CSGALNACT1: variants seen among roughly 807,000 people sequenced by gnomAD.
The protein encoded by CSGALNACT1 is beta4GalNAcT-1.
Under a neutral mutation model 51.0 loss-of-function variants are expected in CSGALNACT1, and 52 were observed. The ratio of observed to expected loss-of-function variants is 1.02; its 90% CI spans 0.82 to 1.29. The LOEUF (loss-of-function observed/expected upper bound fraction) is 1.29. Ranked by LOEUF, CSGALNACT1 falls within the 50% of genes most tolerant of loss-of-function variation. The pLI is 0.00. For synonymous variants in CSGALNACT1, 341 were observed against 254.4 expected (o/e 1.34, Z -3.24); for missense variants, 935 against 679.2 (o/e 1.38, Z -4.19).
intron 1 of CSGALNACT1, among the ~76,000 whole-genome samples, chr8:19,664,394 A>C (rs2059012144): frequency 6.6e-6 from 1 of 152,196 alleles, no homozygotes; most frequent in East Asian, 1.9e-4. Flanking sequence ...GTGGGAATGT[A>C]AATTAGTACA....
intron 6 of CSGALNACT1, among the ~76,000 whole-genome samples, chr8:19,430,197 T>C (rs1286178370): frequency 2.6e-5 from 4 of 152,230 alleles, no homozygotes; most frequent in African/African-American, 9.6e-5. Flanking sequence ...GTTTTTAATT[T>C]TGATAAAGTT....
chr8:19,599,516 G>GAAAGAAAGAAAGAAAGAAAC (rs2049892229), intron 2 of CSGALNACT1, among the ~76,000 whole-genome samples: 4 of 119,280 alleles, frequency 3.4e-5, no homozygotes, highest in African/African-American at 1.2e-4. Context: ...AAGAAAGAAA[G>GAAAGAAAGAAAGAAAGAAAC]AAAGAAAGAA....
intron 5 of CSGALNACT1, among the ~76,000 whole-genome samples, chr8:19,452,630 A>T (rs1238503274): frequency 1.3e-5 from 2 of 152,192 alleles, no homozygotes; most frequent in East Asian, 3.9e-4. Flanking sequence ...AGGCGTGGAA[A>T]GAGCTGCTGA....
At chr8:19,599,008 A>G (rs1285175267) in intron 2 of CSGALNACT1, among the ~76,000 whole-genome samples, 1 of 152,180 alleles carries the variant, frequency 6.6e-6, no homozygotes, top group Non-Finnish European at 1.5e-5. Context: ...TGATGAGAAG[A>G]AAGTATGCTA....
rs551475841 is a variant in CSGALNACT1, at chr8:19,558,301, T to C, written c.-297+32859A>G. Among the ~76,000 whole-genome samples, 30 of 152,346 alleles carry C rather than the reference T, an allele frequency of 2.0e-4. No homozygotes were observed. The South Asian group carries it at 5.6e-3, about 28-fold the overall frequency. ...GGCTCTTTAACATATCCAATGTGATTTGATTGCCAGTATCATGTTTTACAT... is the reference window on the plus strand; with the variant it reads ...GGCTCTTTAACATATCCAATGTGATCTGATTGCCAGTATCATGTTTTACAT... On this transcript the variant is annotated intron_variant, in intron 3 of 9. Coordinates refer to ENST00000454498, the Ensembl canonical transcript of CSGALNACT1.
chr8:19,477,378 C>G (rs551317608), intron 4 of CSGALNACT1, among the ~76,000 whole-genome samples: 37 of 152,300 alleles, frequency 2.4e-4, no homozygotes, highest in African/African-American at 8.4e-4. Flanking sequence ...TCCCACACAA[C>G]TGAGCACGGC....
chr8:19,525,266 G>T (rs1219939960), intron 3 of CSGALNACT1, among the ~76,000 whole-genome samples: 1 of 152,040 alleles, frequency 6.6e-6, no homozygotes, highest in East Asian at 1.9e-4. Flanking sequence ...CTCATTGTGG[G>T]AGGCATCATT....
chr8:19,743,255 T>C (rs541701004), intron 1 of CSGALNACT1, among the ~76,000 whole-genome samples: 1 of 152,210 alleles, frequency 6.6e-6, no homozygotes, highest in African/African-American at 2.4e-5. Flanking sequence ...ATGAAACGTA[T>C]GGAGTGGAAG....
intron 1 of CSGALNACT1, among the ~76,000 whole-genome samples, chr8:19,667,161 C>T (rs1042081853): frequency 1.3e-4 from 19 of 151,532 alleles, no homozygotes; most frequent in Non-Finnish European, 8.8e-5. Context: ...AGGCTCATGC[C>T]TGTAATCCCA....
chr8:19,428,228 G>A (rs1483968663), intron 6 of CSGALNACT1, among the ~76,000 whole-genome samples: 1 of 152,142 alleles, frequency 6.6e-6, no homozygotes, highest in Non-Finnish European at 1.5e-5. Flanking sequence ...GTCTGTATCA[G>A]TCTGTTTTCA....
chr8:19,584,291 T>C (rs887607184), intron 3 of CSGALNACT1, among the ~76,000 whole-genome samples: 8 of 152,332 alleles, frequency 5.3e-5, no homozygotes, highest in South Asian at 4.1e-4. Flanking sequence ...GGCAATGTTA[T>C]TGGTACTCTG....
At chr8:19,407,438 G>A (rs998541994) in intron 9 of CSGALNACT1, among the ~76,000 whole-genome samples, 20 of 152,122 alleles carry the variant, frequency 1.3e-4, no homozygotes, top group Non-Finnish European at 2.5e-4. Context: ...CATCGCAGCT[G>A]AGCCCCTGCA....
chr8:19,621,934 C>CTA (rs2154161420), intron 1 of CSGALNACT1, among the ~76,000 whole-genome samples: 1 of 152,290 alleles, frequency 6.6e-6, no homozygotes, highest in Admixed American at 6.5e-5. Flanking sequence ...ACAACAGATA[C>CTA]TATTAAGTTT....
At chr8:19,411,569 C>T (rs1585387763) in intron 8 of CSGALNACT1, among the ~76,000 whole-genome samples, 1 of 152,188 alleles carries the variant, frequency 6.6e-6, no homozygotes, top group African/African-American at 2.4e-5. Context: ...TGGTGAGAAC[C>T]TCTCAGAATC....
At chr8:19,462,822 T>C (rs1306975387) in intron 4 of CSGALNACT1, among the ~76,000 whole-genome samples, 1 of 152,238 alleles carries the variant, frequency 6.6e-6, no homozygotes, top group Non-Finnish European at 1.5e-5. Flanking sequence ...TCTTTTTTTT[T>C]TCAACTTTTA....
At chr8:19,408,936 G>A (rs974556643) in intron 8 of CSGALNACT1, among the ~76,000 whole-genome samples, 9 of 84,376 alleles carry the variant, frequency 1.1e-4, no homozygotes, top group Non-Finnish European at 2.2e-4. Flanking sequence ...TGTTTCTAGG[G>A]CATAGATATG....
At chr8:19,420,272 C>G in intron 7 of CSGALNACT1, 68 bp downstream of exon 6, 1 of 1,436,974 alleles carries the variant, frequency 7.0e-7, no homozygotes, top group Non-Finnish European at 9.8e-7. Flanking sequence ...ACTGACCCAT[C>G]AAGAGGACGA....
At chr8:19,412,169 G>T (rs988272782) in intron 8 of CSGALNACT1, among the ~76,000 whole-genome samples, 26 of 152,154 alleles carry the variant, frequency 1.7e-4, no homozygotes, top group African/African-American at 6.3e-4. Context: ...TCTGATAGCT[G>T]GCCTCCTCTC....
At chr8:19,705,867 G>C (rs984178556) in intron 1 of CSGALNACT1, among the ~76,000 whole-genome samples, 3 of 152,144 alleles carry the variant, frequency 2.0e-5, no homozygotes, top group Admixed American at 6.5e-5. Flanking sequence ...GAATGTTGAT[G>C]CTAGTTAAAG....
Sources: gnomAD v4.1 joint callset for allele counts (sites outside exome capture counted in the v4.1 genomes callset) on GRCh38, gnomAD v4.1.1 for gene constraint, MANE v1.5 for transcripts, NCBI Gene and HGNC (gene_info 2026-07-23, HGNC 2026-07-21) for gene names.